The following ARHGAP31 variants were observed in gnomAD, a reference collection of about 807,000 sequenced individuals.
ARHGAP31 encodes the protein rho GTPase-activating protein 31.
In ARHGAP31, 34 loss-of-function variants were observed where a neutral mutation model predicts 113.9. The ratio of observed to expected loss-of-function variants is 0.30; its 90% CI spans 0.23 to 0.40. The LOEUF (loss-of-function observed/expected upper bound fraction) is 0.40, where lower values mean the gene tolerates loss of function less well. Among genes scored for constraint, ARHGAP31 ranks in the 10% least tolerant of loss-of-function variants. The pLI is 1.00. For synonymous variants in ARHGAP31, 650 were observed against 684.8 expected (o/e 0.95, Z 0.79); for missense variants, 1,548 against 1,767.1 (o/e 0.88, Z 2.22).
In ARHGAP31 at chr3:119,393,719, G is replaced by C. The variant is rs2080523795; in HGVS notation, c.1006+128G>C. The C allele has an allele frequency of 3.1e-6, 4 of 1,307,162 alleles. No homozygotes were observed. In the Admixed American group the frequency reaches 8.7e-5, roughly 28 times the overall value. 81.0% of individuals were successfully genotyped at this position (1,307,162 alleles called of 1,614,324 possible). On this transcript the variant is annotated intron_variant, in intron 8 of 11. Coordinates refer to ENST00000264245, the MANE Select transcript of ARHGAP31 (RefSeq NM_020754.4). ...GAAACTTATAAATTAACTAGGGGAAGAGGAGTCTTTTTTCAAAACATTTTA... is the reference window on the plus strand; with the variant it reads ...GAAACTTATAAATTAACTAGGGGAACAGGAGTCTTTTTTCAAAACATTTTA...
chr3:119,328,070 A>C (rs1395365666), intron 1 of ARHGAP31, among the ~76,000 whole-genome samples: 1 of 152,246 alleles, frequency 6.6e-6, no homozygotes, highest in Non-Finnish European at 1.5e-5. Context: ...TTAGAAATCC[A>C]GGAAAAATGT....
At position 119,414,151 on chromosome 3, in the gene ARHGAP31, C is replaced by T. The variant is rs375816783; in HGVS notation, c.2222C>T (p.Pro741Leu). 6.2e-6 allele frequency: 10 copies of T among 1,614,166 alleles called. No homozygotes were observed. The highest frequency in any genetic ancestry group is 8.5e-6 in the Non-Finnish European group (10 of 1,180,036). ...STAASREKPE[P>L]EQGLHPDLAS... ...GCAGCCAGCAGAGAGAAGCCGGAAC[C>T]TGAGCAGGGCCTGCACCCAGACCTC... Residue 741 changes from proline to leucine, a missense_variant, in exon 12 of 12, where the codon CCT becomes CTT. By Grantham distance (98) the Pro-to-Leu change is moderately conservative. Coordinates refer to ENST00000264245, the MANE Select transcript of ARHGAP31 (RefSeq NM_020754.4).
intron 1 of ARHGAP31, among the ~76,000 whole-genome samples, chr3:119,345,336 G>T (rs186100936): frequency 3.9e-5 from 6 of 152,232 alleles, no homozygotes; most frequent in African/African-American, 1.4e-4. Context: ...AAGTGAAAGC[G>T]AGCACAATCC....
At position 119,416,453 on chromosome 3, in the gene ARHGAP31, G is replaced by A. The variant is rs993426264; in HGVS notation, c.*189G>A. 3.1e-5 allele frequency: 25 copies of A among 796,948 alleles called. No individual in the cohort carries two copies. Among genetic ancestry groups the A allele is most frequent in the African/African-American group, 2.6e-4 (15 of 57,940 alleles). The allele number at this position is 796,948 out of a possible 1,614,324, so 49.4% of individuals were successfully genotyped here. ...CTAGAAGAGTGGTCAAGGGAAAAACGAGAGATGAAATTTAGTTAAGTCTAT... is the reference window on the plus strand; with the variant it reads ...CTAGAAGAGTGGTCAAGGGAAAAACAAGAGATGAAATTTAGTTAAGTCTAT... On this transcript the variant is annotated 3_prime_UTR_variant, in exon 12 of 12. Transcript: ENST00000264245.
At chr3:119,305,914 G>A (rs537081017) in intron 1 of ARHGAP31, among the ~76,000 whole-genome samples, 72 of 152,220 alleles carry the variant, frequency 4.7e-4, no homozygotes, top group African/African-American at 1.7e-3. Context: ...ATCTGTAAAC[G>A]TCCTGTTTTC....
At chr3:119,369,903 ATTT>A (rs2107625074) in intron 3 of ARHGAP31, among the ~76,000 whole-genome samples, 1 of 152,240 alleles carries the variant, frequency 6.6e-6, no homozygotes, top group Non-Finnish European at 1.5e-5. Context: ...TACTTAAAGA[ATTT>A]AAAAAAGGAA....
In ARHGAP31 at chr3:119,414,294, A is replaced by C. The variant is rs754970229; in HGVS notation, c.2365A>C (p.Thr789Pro). The change falls in exon 12 of 12, where the codon ACT (threonine) becomes CCT (proline). Residue 789 changes from threonine to proline, a missense_variant. Thr to Pro is a conservative substitution (Grantham distance 38). Transcript: ENST00000264245. ...ACTCCCACCTGCTCCTCCCCCTCCAACTCCTCTGGAGGAGTCAACTCCAGT... is the reference window on the plus strand; with the variant it reads ...ACTCCCACCTGCTCCTCCCCCTCCACCTCCTCTGGAGGAGTCAACTCCAGT... ...PPLPPAPPPPTPLEESTPVLL... is the reference protein window; with the variant it reads ...PPLPPAPPPPPPLEESTPVLL... The C allele has an allele frequency of 3.7e-6, 6 of 1,613,624 alleles. No homozygotes were observed. The highest frequency in any genetic ancestry group is 1.7e-5 in the Admixed American group (1 of 59,974).
intron 1 of ARHGAP31, among the ~76,000 whole-genome samples, chr3:119,345,895 G>A (rs1559974642): frequency 6.6e-6 from 1 of 152,126 alleles, no homozygotes. Context: ...AAGTCATGAC[G>A]GGCTCTGTTA....
At chr3:119,399,905 C>T (rs2080584924) in intron 9 of ARHGAP31, among the ~76,000 whole-genome samples, 1 of 152,218 alleles carries the variant, frequency 6.6e-6, no homozygotes, top group African/African-American at 2.4e-5. Flanking sequence ...GTTCTCACAG[C>T]TGTATCCTTC....
At chr3:119,363,644 A>G (rs751425872) in intron 1 of ARHGAP31, among the ~76,000 whole-genome samples, 35 of 152,360 alleles carry the variant, frequency 2.3e-4, no homozygotes, top group Non-Finnish European at 4.7e-4. Flanking sequence ...AGAGCACGTC[A>G]TAATAGGGAA....
intron 3 of ARHGAP31, among the ~76,000 whole-genome samples, chr3:119,373,899 T>G (rs1331815108): frequency 6.6e-6 from 1 of 152,192 alleles, no homozygotes; most frequent in Non-Finnish European, 1.5e-5. Flanking sequence ...AGGACTCCAT[T>G]CTAGGGTGAC....
At chr3:119,412,291 G>A (rs948412213) in intron 11 of ARHGAP31, among the ~76,000 whole-genome samples, 1 of 152,074 alleles carries the variant, frequency 6.6e-6, no homozygotes, top group African/African-American at 2.4e-5. Context: ...GGGAGGCTGA[G>A]GCAGGAGAAT....
chr3:119,382,000 A>G (rs2080405008), intron 4 of ARHGAP31, among the ~76,000 whole-genome samples: 1 of 151,390 alleles, frequency 6.6e-6, no homozygotes, highest in Non-Finnish European at 1.5e-5. Context: ...AAAAAAAAAA[A>G]AAAAAAAAGC....
chr3:119,303,760 T>G (rs1453089495), intron 1 of ARHGAP31, among the ~76,000 whole-genome samples: 4 of 150,366 alleles, frequency 2.7e-5, no homozygotes, highest in South Asian at 4.2e-4. Context: ...TTATGCATAT[T>G]TCTTTCCCCA....
intron 2 of ARHGAP31, among the ~76,000 whole-genome samples, chr3:119,367,138 A>T (rs1301707801): frequency 2.0e-5 from 3 of 151,760 alleles, no homozygotes. Flanking sequence ...TCAAAGCCCC[A>T]CTCAGTTTCT....
Position 119,294,733 on chromosome 3 carries a change from C to G in ARHGAP31, c.-172C>G. The G allele has an allele frequency of 1.5e-6, 1 of 666,796 alleles. No individual in the cohort carries two copies. The highest frequency in any genetic ancestry group is 2.7e-6 in the Non-Finnish European group (1 of 376,626). 41.3% of individuals were successfully genotyped at this position (666,796 alleles called of 1,614,324 possible). Reference sequence around the variant, plus strand: ...CGGGGTGGATCTCAGGCTCTGCCGGCCCGCGGCCCGCGGGGTCCATGCGCA... The same window carrying G: ...CGGGGTGGATCTCAGGCTCTGCCGGGCCGCGGCCCGCGGGGTCCATGCGCA... On this transcript the variant is annotated 5_prime_UTR_variant, in exon 1 of 12. Coordinates refer to ENST00000264245, the MANE Select transcript of ARHGAP31 (RefSeq NM_020754.4).
At chr3:119,319,228 TAA>T (rs1217909206) in intron 1 of ARHGAP31, among the ~76,000 whole-genome samples, 1 of 138,996 alleles carries the variant, frequency 7.2e-6, no homozygotes. Flanking sequence ...CATCATATAT[TAA>T]AAAAAAAAAA....
intron 1 of ARHGAP31, 24 bp from the exon 2 acceptor site, chr3:119,365,292 G>T: frequency 6.3e-7 from 1 of 1,593,574 alleles, no homozygotes; most frequent in South Asian, 1.1e-5. Context: ...ATACTTAATT[G>T]TTTTTTTCTT....
Position 119,414,159 on chromosome 3 carries a change from G to A in ARHGAP31, c.2230G>A (p.Gly744Ser), listed in dbSNP as rs1180660243. Residue 744 changes from glycine to serine, a missense_variant, in exon 12 of 12, where the codon GGC becomes AGC. Coordinates refer to ENST00000264245, the MANE Select transcript of ARHGAP31 (RefSeq NM_020754.4). ...ASREKPEPEQ[G>S]LHPDLASLAP... ...CAGAGAGAAGCCGGAACCTGAGCAG[G>A]GCCTGCACCCAGACCTCGCCAGCCT... is the stretch of plus-strand genomic sequence containing the variant. The A allele has an allele frequency of 6.2e-7, 1 of 1,614,142 alleles. No homozygotes were observed. Among genetic ancestry groups the A allele is most frequent in the East Asian group, 2.2e-5 (1 of 44,868 alleles).
Sources: gnomAD v4.1 joint callset for allele counts (sites outside exome capture counted in the v4.1 genomes callset) on GRCh38, gnomAD v4.1.1 for gene constraint, MANE v1.5 for transcripts, NCBI Gene and HGNC (gene_info 2026-07-23, HGNC 2026-07-21) for gene names.